The following UNC5D variants were observed in gnomAD, a reference collection of about 807,000 sequenced individuals.
UNC5D encodes netrin receptor UNC5D.
Under a neutral mutation model 105.4 loss-of-function variants are expected in UNC5D, and 39 were observed. The ratio of observed to expected loss-of-function variants is 0.37; its 90% CI spans 0.29 to 0.48. UNC5D has a LOEUF of 0.48. Among genes scored for constraint, UNC5D ranks in the 20% least tolerant of loss-of-function variants. The pLI, the probability that UNC5D is intolerant of heterozygous loss-of-function variation, is 0.98. For missense variants in UNC5D, 991 were observed against 1,202.4 expected, an observed-to-expected ratio of 0.82 and a Z score of 2.60; for synonymous variants, 452 against 450.4, an observed-to-expected ratio of 1.00 and a Z score of -0.04.
chr8:35,626,055 T>A (rs946314380), intron 4 of UNC5D, among the ~76,000 whole-genome samples: 2 of 152,122 alleles, frequency 1.3e-5, no homozygotes, highest in East Asian at 3.9e-4. Flanking sequence ...ACCCTTGGGG[T>A]CTTTTTTCCC....
intron 1 of UNC5D, among the ~76,000 whole-genome samples, chr8:35,443,039 T>C (rs1807540480): frequency 6.6e-6 from 1 of 151,698 alleles, no homozygotes; most frequent in African/African-American, 2.4e-5. Context: ...TTCCTCTGGG[T>C]TTACAACCAG....
intron 1 of UNC5D, among the ~76,000 whole-genome samples, chr8:35,348,199 T>A (rs1232613049): frequency 1.3e-5 from 2 of 151,946 alleles, no homozygotes; most frequent in East Asian, 3.9e-4. Flanking sequence ...TATATTTAAG[T>A]TCTCATGTCA....
intron 4 of UNC5D, among the ~76,000 whole-genome samples, chr8:35,672,722 CAA>C (rs1015221714): frequency 2.3e-4 from 35 of 152,156 alleles, no homozygotes; most frequent in African/African-American, 8.0e-4. Flanking sequence ...CATCATTCTG[CAA>C]ACTCTTTACA....
At chr8:35,525,462 T>G in intron 1 of UNC5D, 1 of 1,612,308 alleles carries the variant, frequency 6.2e-7, no homozygotes. Flanking sequence ...TGCATAGGCC[T>G]GGCTCAGCTT....
At chr8:35,397,605 T>G (rs113961579) in intron 1 of UNC5D, among the ~76,000 whole-genome samples, 1 of 152,212 alleles carries the variant, frequency 6.6e-6, no homozygotes, top group Non-Finnish European at 1.5e-5. Flanking sequence ...AGCTGGTCTT[T>G]GCTCTGTTCC....
At chr8:35,780,048 A>C (rs1023951103) in intron 16 of UNC5D, among the ~76,000 whole-genome samples, 8 of 152,186 alleles carry the variant, frequency 5.3e-5, no homozygotes, top group African/African-American at 1.9e-4. Context: ...ATATGGGCAG[A>C]TGAGTAGAGG....
intron 11 of UNC5D, among the ~76,000 whole-genome samples, chr8:35,740,451 C>T (rs1443179420): frequency 6.6e-6 from 1 of 152,158 alleles, no homozygotes; most frequent in Non-Finnish European, 1.5e-5. Context: ...GAGCACAAGC[C>T]TCCTGACAGC....
chr8:35,289,852 C>T (rs1326913843), intron 1 of UNC5D, among the ~76,000 whole-genome samples: 1 of 152,124 alleles, frequency 6.6e-6, no homozygotes, highest in Non-Finnish European at 1.5e-5. Flanking sequence ...GGCATGGTGG[C>T]ATCTGCCTGT....
At chr8:35,393,125 C>CTTTTTTT (rs34886215) in intron 1 of UNC5D, among the ~76,000 whole-genome samples, 2 of 75,068 alleles carry the variant, frequency 2.7e-5, no homozygotes, top group African/African-American at 4.8e-5. Flanking sequence ...CCTATTCCTA[C>CTTTTTTT]TTTTTTTTTT....
rs998125438 is a variant in UNC5D, at chr8:35,750,916, C to A, written c.2163+107C>A. 7.4e-6 allele frequency: 10 copies of A among 1,348,868 alleles called. No individual in the cohort carries two copies. The Admixed American group carries it at 9.2e-5, about 12-fold the overall frequency. The allele number at this position is 1,348,868 out of a possible 1,614,324, so 83.6% of individuals were successfully genotyped here. On this transcript the variant is annotated intron_variant, in intron 13 of 16. Transcript: ENST00000404895. ...ATTACTGAGGGTCTAGAAAATGAAC[C>A]CACGCCACTGTAACTGCCCAGTGGG...
At chr8:35,348,386 T>C (rs1811955788) in intron 1 of UNC5D, among the ~76,000 whole-genome samples, 1 of 151,904 alleles carries the variant, frequency 6.6e-6, no homozygotes, top group African/African-American at 2.4e-5. Flanking sequence ...AAACATTCAA[T>C]AATTACAAAG....
At chr8:35,458,715 A>C (rs1039946282) in intron 1 of UNC5D, among the ~76,000 whole-genome samples, 3 of 152,190 alleles carry the variant, frequency 2.0e-5, no homozygotes, top group African/African-American at 7.2e-5. Context: ...CCATGCAAGT[A>C]ACCTTTTTAA....
At chr8:35,515,371 T>C (rs1813037513) in intron 1 of UNC5D, among the ~76,000 whole-genome samples, 1 of 152,166 alleles carries the variant, frequency 6.6e-6, no homozygotes, top group African/African-American at 2.4e-5. Flanking sequence ...ATAGACAGCA[T>C]AGTAAATACA....
chr8:35,431,788 G>C (rs116613625), intron 1 of UNC5D, among the ~76,000 whole-genome samples: 2,113 of 152,066 alleles, frequency 0.014, 61 homozygotes, highest in African/African-American at 0.049. Flanking sequence ...TCTATATTTC[G>C]ATAATGTGTG....
chr8:35,776,041 G>A (rs1306530371), intron 16 of UNC5D, among the ~76,000 whole-genome samples: 1 of 152,176 alleles, frequency 6.6e-6, no homozygotes, highest in Admixed American at 6.5e-5. Flanking sequence ...TGAACACCAT[G>A]ACTGTGTCAA....
At chr8:35,522,883 A>G (rs1052013363) in intron 1 of UNC5D, among the ~76,000 whole-genome samples, 6 of 152,060 alleles carry the variant, frequency 3.9e-5, no homozygotes, top group African/African-American at 1.4e-4. Context: ...GTTTTCCTCA[A>G]CCCACAACAT....
At chr8:35,462,932 A>C (rs1363334257) in intron 1 of UNC5D, among the ~76,000 whole-genome samples, 1 of 152,198 alleles carries the variant, frequency 6.6e-6, no homozygotes, top group African/African-American at 2.4e-5. Flanking sequence ...TCTCGGGCAC[A>C]TAGCTAAAAG....
chr8:35,781,645 G>T (rs1173907594), intron 16 of UNC5D, among the ~76,000 whole-genome samples: 2 of 152,180 alleles, frequency 1.3e-5, no homozygotes, highest in Non-Finnish European at 2.9e-5. Context: ...AGGAATGATT[G>T]TATCTAATTT....
chr8:35,771,497 T>C (rs982391287), intron 15 of UNC5D, among the ~76,000 whole-genome samples: 1 of 152,238 alleles, frequency 6.6e-6, no homozygotes, highest in African/African-American at 2.4e-5. Context: ...CCTACTTGAT[T>C]TGCATTTTTA....
Sources: allele counts gnomAD v4.1 joint callset (sites outside exome capture counted in the v4.1 genomes callset), GRCh38; gene constraint gnomAD v4.1.1; transcripts MANE v1.5; gene names NCBI Gene and HGNC (gene_info 2026-07-23, HGNC 2026-07-21).